Variants in MYT1L observed in about 807,000 individuals in gnomAD.
The protein encoded by MYT1L is myelin transcription factor 1-like protein.
MYT1L carries 12 observed loss-of-function variants against 126.7 expected under a neutral mutation model. That is an observed-to-expected ratio of 0.09 (90% confidence interval 0.06 to 0.15). The LOEUF is 0.15. Ranked by LOEUF, MYT1L falls within the 10% of genes least tolerant of loss-of-function variation. The probability of loss-of-function intolerance (pLI) is 1.00; values close to 1 mark genes in which losing one functional copy is unlikely to be tolerated. For synonymous variants in MYT1L, 541 were observed against 604.2 expected (o/e 0.90, Z 1.53); for missense variants, 979 against 1,585.2 (o/e 0.62, Z 6.49).
At chr2:1,976,676 A>T (rs2060212489) in intron 8 of MYT1L, among the ~76,000 whole-genome samples, 1 of 152,202 alleles carries the variant, frequency 6.6e-6, no homozygotes, top group South Asian at 2.1e-4. Context: ...ATAACGGAAA[A>T]TTTCCAAATT....
chr2:1,966,662 AT>A (rs768949335), intron 8 of MYT1L, among the ~76,000 whole-genome samples: 14 of 152,242 alleles, frequency 9.2e-5, no homozygotes, highest in Non-Finnish European at 2.1e-4. Context: ...CATTTGAACA[AT>A]AAAAGAATTG....
intron 4 of MYT1L, among the ~76,000 whole-genome samples, chr2:2,023,209 C>T (rs113005602): frequency 0.054 from 8,233 of 152,248 alleles, 284 homozygotes; most frequent in African/African-American, 0.081. Context: ...GCCTGAGTCA[C>T]CTTTATGGCC....
At chr2:2,106,212 A>G (rs945765483) in intron 3 of MYT1L, among the ~76,000 whole-genome samples, 1 of 152,352 alleles carries the variant, frequency 6.6e-6, no homozygotes. Context: ...AAATAAAGAT[A>G]ATATGTTAGA....
At chr2:1,832,970 C>T (rs182121816) in intron 21 of MYT1L, among the ~76,000 whole-genome samples, 3 of 152,316 alleles carry the variant, frequency 2.0e-5, no homozygotes, top group East Asian at 1.9e-4. Flanking sequence ...CAGACCTGGA[C>T]GGAGATCATC....
At chr2:2,320,840 T>A (rs1260451096) in intron 1 of MYT1L, among the ~76,000 whole-genome samples, 2 of 152,206 alleles carry the variant, frequency 1.3e-5, no homozygotes, top group Non-Finnish European at 2.9e-5. Flanking sequence ...CATTAGCACA[T>A]ACAGCAGAAC....
chr2:2,014,221 C>CA (rs2149783390), intron 4 of MYT1L, among the ~76,000 whole-genome samples: 1 of 146,392 alleles, frequency 6.8e-6, no homozygotes, highest in South Asian at 2.1e-4. Context: ...CCTGAGCAGT[C>CA]AGAGAGAGTT....
intron 1 of MYT1L, among the ~76,000 whole-genome samples, chr2:2,292,648 G>A (rs951650892): frequency 1.3e-5 from 2 of 151,656 alleles, no homozygotes; most frequent in African/African-American, 4.8e-5. Context: ...CAGGGTCCCA[G>A]CCTCCACAAG....
At chr2:2,098,216 T>C (rs1227070385) in intron 3 of MYT1L, among the ~76,000 whole-genome samples, 12 of 132,006 alleles carry the variant, frequency 9.1e-5, no homozygotes, top group Non-Finnish European at 1.9e-4. Flanking sequence ...CATTAACAGA[T>C]TGCTTAGGCG....
At chr2:2,291,608 T>C (rs1342732170) in intron 1 of MYT1L, among the ~76,000 whole-genome samples, 1 of 152,186 alleles carries the variant, frequency 6.6e-6, no homozygotes, top group Non-Finnish European at 1.5e-5. Context: ...CGCTCAGTTC[T>C]AAGGAGACGC....
intron 1 of MYT1L, among the ~76,000 whole-genome samples, chr2:2,320,484 A>G (rs564571857): frequency 5.9e-5 from 9 of 151,906 alleles, no homozygotes; most frequent in African/African-American, 1.9e-4. Flanking sequence ...CCTAGAAAAA[A>G]AAAAAAGAAA....
intron 3 of MYT1L, among the ~76,000 whole-genome samples, chr2:2,078,201 C>T (rs1158084208): frequency 6.6e-6 from 1 of 151,670 alleles, no homozygotes; most frequent in Non-Finnish European, 1.5e-5. Context: ...TTAAAAGAAA[C>T]AACAAAGGAA....
chr2:2,097,908 C>A (rs2077621271), intron 3 of MYT1L, among the ~76,000 whole-genome samples: 1 of 152,056 alleles, frequency 6.6e-6, no homozygotes. Context: ...AGTCCCATAC[C>A]CTTGTTGATG....
rs2089341262 is a variant in MYT1L, at chr2:2,167,483, C to T, written c.-304+5389G>A. Among the ~76,000 whole-genome samples the T allele has an allele frequency of 2.6e-5, 4 of 152,140 alleles. No individual in the cohort carries two copies. The South Asian group carries it at 8.3e-4, about 32-fold the overall frequency. On this transcript the variant is annotated intron_variant, in intron 3 of 24. Transcript: ENST00000647738. ...CCTCCAGGCACTGGCGTTAGCTCCT[C>T]CAATCCACACTTCACACTGGGAAAT...
intron 1 of MYT1L, among the ~76,000 whole-genome samples, chr2:2,308,135 A>G (rs376635849): frequency 6.6e-6 from 1 of 151,750 alleles, no homozygotes; most frequent in African/African-American, 2.4e-5. Flanking sequence ...TACTTTACCT[A>G]CACTTCAGCA....
chr2:1,899,389 T>C (rs1220278812), intron 14 of MYT1L, among the ~76,000 whole-genome samples: 1 of 152,248 alleles, frequency 6.6e-6, no homozygotes, highest in Non-Finnish European at 1.5e-5. Context: ...TCTGCAATTC[T>C]TTAAAAATGT....
chr2:1,961,567 C>T (rs1038850145), intron 8 of MYT1L, among the ~76,000 whole-genome samples: 5 of 152,234 alleles, frequency 3.3e-5, no homozygotes, highest in South Asian at 4.1e-4. Flanking sequence ...CATCGGGCTT[C>T]GTGCACCCAC....
At chr2:2,151,180 T>C (rs1468948387) in intron 3 of MYT1L, among the ~76,000 whole-genome samples, 1 of 152,190 alleles carries the variant, frequency 6.6e-6, no homozygotes, top group Non-Finnish European at 1.5e-5. Context: ...TAGAGTCTCT[T>C]AGTAAAAACT....
intron 2 of MYT1L, among the ~76,000 whole-genome samples, chr2:2,177,819 G>A (rs1036177933): frequency 1.4e-4 from 21 of 152,078 alleles, no homozygotes; most frequent in African/African-American, 5.1e-4. Flanking sequence ...CAACCCCTGG[G>A]GCTTCCAATT....
At chr2:2,159,664 G>A (rs1456725718) in intron 3 of MYT1L, among the ~76,000 whole-genome samples, 1 of 152,008 alleles carries the variant, frequency 6.6e-6, no homozygotes, top group Non-Finnish European at 1.5e-5. Flanking sequence ...GGATGCCCCT[G>A]GAGAATTGAA....
Sources: gnomAD v4.1 joint callset for allele counts (sites outside exome capture counted in the v4.1 genomes callset) on GRCh38, gnomAD v4.1.1 for gene constraint, MANE v1.5 for transcripts, NCBI Gene and HGNC (gene_info 2026-07-23, HGNC 2026-07-21) for gene names.